Variants in ST8SIA5 observed in about 807,000 individuals in gnomAD.
ST8SIA5 encodes ST8 alpha-N-acetyl-neuraminide alpha-2,8-sialyltransferase 5.
ST8SIA5 carries 24 observed loss-of-function variants against 40.2 expected under a neutral mutation model. The ratio of observed to expected loss-of-function variants is 0.60; its 90% CI spans 0.43 to 0.84. ST8SIA5 has a LOEUF of 0.84. Ranked by LOEUF, ST8SIA5 falls within the 40% of genes least tolerant of loss-of-function variation. The pLI is 0.00. For synonymous variants in ST8SIA5, 198 were observed against 201.8 expected, an observed-to-expected ratio of 0.98 and a Z score of 0.16; for missense variants, 465 against 498.5, an observed-to-expected ratio of 0.93 and a Z score of 0.64.
rs1246635490 is a variant in ST8SIA5, at chr18:46,676,949, C to T, written c.*3093G>A. 1 of 152,194 alleles carries T rather than the reference C, an allele frequency of 6.6e-6. No homozygotes were observed. Among genetic ancestry groups the T allele is most frequent in the East Asian group, 1.9e-4 (1 of 5,188 alleles). The allele number at this position is 152,194 out of a possible 1,614,324, so 9.4% of individuals were successfully genotyped here. The stretch of plus-strand genomic sequence containing the variant: ...AGACTGGTGAGTCCCAGTTGAGCCA[C>T]AAGCTGGCCATGTAGCCCTGGGCAA... On this transcript the variant is annotated 3_prime_UTR_variant, in exon 7 of 7. Transcript: ENST00000315087.
chr18:46,730,421 A>G (rs1012845076), intron 1 of ST8SIA5: 6 of 188,014 alleles, frequency 3.2e-5, no homozygotes, highest in African/African-American at 1.4e-4. Flanking sequence ...TCTAATATAC[A>G]CAATTAAAAT....
chr18:46,694,428 C>T (rs577042222), intron 2 of ST8SIA5, among the ~76,000 whole-genome samples: 1 of 152,294 alleles, frequency 6.6e-6, no homozygotes, highest in South Asian at 2.1e-4. Flanking sequence ...TACAGTAAAA[C>T]TGCGAAATGC....
intron 1 of ST8SIA5, among the ~76,000 whole-genome samples, chr18:46,744,933 A>T (rs200888554): frequency 1.3e-5 from 2 of 152,232 alleles, no homozygotes; most frequent in Non-Finnish European, 2.9e-5. Context: ...GCACAACTAC[A>T]TGGAAACTGA....
chr18:46,697,702 T>C (rs771482041), intron 2 of ST8SIA5, among the ~76,000 whole-genome samples: 1 of 152,002 alleles, frequency 6.6e-6, no homozygotes, highest in Non-Finnish European at 1.5e-5. Flanking sequence ...CAAGACCTTG[T>C]CTCAACAACA....
chr18:46,690,134 C>A (rs1467312323), intron 3 of ST8SIA5, among the ~76,000 whole-genome samples: 1 of 152,166 alleles, frequency 6.6e-6, no homozygotes, highest in African/African-American at 2.4e-5. Context: ...GGAGATCACT[C>A]CTATTGAGGG....
intron 6 of ST8SIA5, among the ~76,000 whole-genome samples, chr18:46,681,330 G>A (rs1039814597): frequency 6.6e-6 from 1 of 152,086 alleles, no homozygotes; most frequent in Admixed American, 6.6e-5. Flanking sequence ...TGACTTTGCT[G>A]TCTCTTCCCG....
intron 1 of ST8SIA5, among the ~76,000 whole-genome samples, chr18:46,728,946 AG>A (rs1171949370): frequency 1.3e-5 from 2 of 152,160 alleles, no homozygotes; most frequent in African/African-American, 4.8e-5. Context: ...CACGACCCAA[AG>A]GACAGGATCA....
In ST8SIA5 at chr18:46,717,918, G is replaced by A. The variant is rs897445647; in HGVS notation, c.132-13254C>T. Among the ~76,000 whole-genome samples the A allele has an allele frequency of 3.3e-5, 5 of 152,162 alleles. No homozygotes were observed. In the East Asian group the frequency reaches 5.8e-4, roughly 18 times the overall value. ...ACGCTAGGTTCTGGCAATTCAAAAC[G>A]GAAGATGCACAACAACTGTCTTACT... On this transcript the variant is annotated intron_variant, in intron 1 of 6. Coordinates refer to ENST00000315087, the MANE Select transcript of ST8SIA5 (RefSeq NM_013305.6).
chr18:46,726,015 G>GATATATATATATATAT (rs530130795), intron 1 of ST8SIA5, among the ~76,000 whole-genome samples: 87 of 31,084 alleles, frequency 2.8e-3, no homozygotes, highest in African/African-American at 0.011. Flanking sequence ...ATATATCCTG[G>GATATATATATATATAT]ATATATATAT....
intron 1 of ST8SIA5, among the ~76,000 whole-genome samples, chr18:46,745,365 T>TA (rs1009027829): frequency 2.0e-5 from 3 of 151,784 alleles, no homozygotes; most frequent in African/African-American, 7.3e-5. Flanking sequence ...ATAGATGCAA[T>TA]AAAAAATGAT....
At chr18:46,722,537 G>GATATC (rs2039873760) in intron 1 of ST8SIA5, among the ~76,000 whole-genome samples, 1 of 152,234 alleles carries the variant, frequency 6.6e-6, no homozygotes, top group Non-Finnish European at 1.5e-5. Context: ...CCGCTCAAAA[G>GATATC]AAACAGATAT....
intron 1 of ST8SIA5, among the ~76,000 whole-genome samples, chr18:46,719,682 T>TTTTCTTTCTTTCCTTTCTTTCTTTCTTTC (rs2039833467): frequency 9.3e-6 from 1 of 107,064 alleles, no homozygotes; most frequent in Non-Finnish European, 1.9e-5. Flanking sequence ...TTCTTTTCTT[T>TTTTCTTTCTTTCCTTTCTTTCTTTCTTTC]TTTCTTTCTT....
rs182133456 is a variant in ST8SIA5, at chr18:46,705,311, C to A, written c.132-647G>T. ...CCAGCTGGCTCCAGGCATGTCACAG[C>A]CACCTCAGGGTCCCTCTGCCAGCTT... On this transcript the variant is annotated intron_variant, in intron 1 of 6. Coordinates refer to ENST00000315087, the MANE Select transcript of ST8SIA5 (RefSeq NM_013305.6). 6.4e-3 allele frequency among the ~76,000 whole-genome samples: 975 copies of A among 152,380 alleles called. 14 individuals are homozygous for A. The highest frequency in any genetic ancestry group is 0.023 in the African/African-American group (951 of 41,592).
Position 46,669,995 on chromosome 18 carries a change from G to A in ST8SIA5, c.*10047C>T, listed in dbSNP as rs1162580738. The A allele has an allele frequency of 1.3e-5, 2 of 151,970 alleles. No individual in the cohort carries two copies. Among genetic ancestry groups the A allele is most frequent in the African/African-American group, 4.8e-5 (2 of 41,324 alleles). 9.4% of individuals were successfully genotyped at this position (151,970 alleles called of 1,614,324 possible). On this transcript the variant is annotated 3_prime_UTR_variant, in exon 7 of 7. Coordinates refer to ENST00000315087, the MANE Select transcript of ST8SIA5 (RefSeq NM_013305.6). The stretch of plus-strand genomic sequence containing the variant: ...GAGGCAGGAGAATCACTTGAACCTG[G>A]GAGGCGGAGGTTGCCGTGAGCCGAG...
rs758389386 is a variant in ST8SIA5 at position 46,682,024 on chromosome 18, C to T, written c.610G>A (p.Val204Met). 3 of 1,613,150 alleles carry T rather than the reference C, an allele frequency of 1.9e-6. No homozygotes were observed. The South Asian group carries it at 3.3e-5, about 18-fold the overall frequency. ...PPISEKYTMD[V>M]GVKTDVVTVN... The stretch of plus-strand genomic sequence containing the variant: ...GTGACCACATCCGTCTTCACCCCCA[C>T]ATCCATGGTGTACTTCTCTGAGATG... Residue 204 changes from valine (V) to methionine (M), a missense_variant, in exon 6 of 7, where the codon GTG (valine) becomes ATG (methionine). Transcript: ENST00000315087.
In ST8SIA5 at chr18:46,735,155, C is replaced by G. The variant is rs759244623; in HGVS notation, c.131+21223G>C. Reference sequence around the variant, plus strand: ...ACTTTTGGACTCTTGGACTTAACACCAGTGTTTGCCACGAGCTCTCAGGCC... The same window carrying G: ...ACTTTTGGACTCTTGGACTTAACACGAGTGTTTGCCACGAGCTCTCAGGCC... On this transcript the variant is annotated intron_variant, in intron 1 of 6. Transcript: ENST00000315087. Among the ~76,000 whole-genome samples, 62 of 152,256 alleles carry G rather than the reference C, an allele frequency of 4.1e-4. 1 individual carries two copies. Among genetic ancestry groups the G allele is most frequent in the Non-Finnish European group, 1.0e-4 (7 of 68,048 alleles).
rs190748805 is a variant in ST8SIA5, at chr18:46,679,777, C to T, written c.*265G>A. The T allele has an allele frequency of 1.6e-3, 825 of 509,128 alleles. No homozygotes were observed. Among genetic ancestry groups the T allele is most frequent in the Non-Finnish European group, 2.2e-3 (625 of 284,392 alleles). 31.5% of individuals were successfully genotyped at this position (509,128 alleles called of 1,614,324 possible). On this transcript the variant is annotated 3_prime_UTR_variant, in exon 7 of 7. Transcript: ENST00000315087. ...AGGGCCCCTGATCTTGGGGTGTGGCCCAGCAGCATGCTAGCCAGGGCAGGT... is the reference window on the plus strand; with the variant it reads ...AGGGCCCCTGATCTTGGGGTGTGGCTCAGCAGCATGCTAGCCAGGGCAGGT...
At chr18:46,724,690 C>T (rs936610685) in intron 1 of ST8SIA5, among the ~76,000 whole-genome samples, 7 of 152,060 alleles carry the variant, frequency 4.6e-5, no homozygotes, top group Non-Finnish European at 1.5e-5. Flanking sequence ...ATCTCATGAT[C>T]GGGCCAAGCA....
intron 1 of ST8SIA5, among the ~76,000 whole-genome samples, chr18:46,705,658 C>A (rs1193246244): frequency 2.0e-5 from 3 of 152,248 alleles, no homozygotes; most frequent in African/African-American, 4.8e-5. Context: ...CCCGGTGAGC[C>A]CTCTCCTCAC....
Sources: allele counts gnomAD v4.1 joint callset (sites outside exome capture counted in the v4.1 genomes callset), GRCh38; gene constraint gnomAD v4.1.1; transcripts MANE v1.5; gene names NCBI Gene and HGNC (gene_info 2026-07-23, HGNC 2026-07-21).